The following ZNF701 variants were observed in gnomAD, a reference collection of about 807,000 sequenced individuals.
ZNF701 encodes the protein zinc finger protein 701.
A neutral mutation model predicts 7.1 loss-of-function variants in ZNF701; 6 were observed. The ratio of observed to expected loss-of-function variants is 0.84; its 90% CI spans 0.46 to 1.66. The LOEUF (loss-of-function observed/expected upper bound fraction) is 1.66, where lower values mean the gene tolerates loss of function less well. Among genes scored for constraint, ZNF701 ranks in the 40% most tolerant of loss-of-function variants. The pLI is 0.01. For synonymous variants in ZNF701, 166 were observed against 188.2 expected, an observed-to-expected ratio of 0.88 and a Z score of 0.97; for missense variants, 541 against 559.2, an observed-to-expected ratio of 0.97 and a Z score of 0.33.
chr19:52,592,639 G>C, the ZNF701 span, among the ~76,000 whole-genome samples: 1 of 152,184 alleles, frequency 6.6e-6, no homozygotes, highest in Admixed American at 6.5e-5. Flanking sequence ...GAACAGGTTG[G>C]AGTGCAGTGT....
rs770684081 is a variant in ZNF701 at position 52,575,981 on chromosome 19, A to G, written c.102A>G (p.Arg34=). Reference sequence around the variant, plus strand: ...ACCCTGCTCAGAGGACTCTATACAGAGACGTGATGCTGGAGAATTATAGGA... The same window carrying G: ...ACCCTGCTCAGAGGACTCTATACAGGGACGTGATGCTGGAGAATTATAGGA... The part of the protein sequence containing the change: ...CLDPAQRTLY[R]DVMLENYRNL... Residue 34 remains arginine (R), a synonymous_variant, in exon 3 of 4, where the codon AGA becomes AGG. Coordinates refer to ENST00000391785, the MANE Select transcript of ZNF701 (RefSeq NM_018260.3). 1.5e-5 allele frequency: 24 copies of G among 1,588,152 alleles called. No individual in the cohort carries two copies. The highest frequency in any genetic ancestry group is 3.8e-5 in the Admixed American group (2 of 53,156).
downstream of ZNF701, chr19:52,588,516 A>T (rs1277962994): frequency 1.4e-5 from 4 of 286,726 alleles, no homozygotes; most frequent in East Asian, 8.6e-5. Context: ...TAAATCTCAT[A>T]TTTTTTTACA....
Position 52,582,870 on chromosome 19 carries a change from A to G in ZNF701, c.811A>G (p.Thr271Ala). The change falls in exon 4 of 4, where the codon ACG (threonine) becomes GCG (alanine). Residue 271 changes from threonine to alanine, a missense_variant. Thr to Ala is a moderately conservative substitution (Grantham distance 58, BLOSUM62 0). Coordinates refer to ENST00000391785, the MANE Select transcript of ZNF701 (RefSeq NM_018260.3). ...ATGTCACACTGGTGAGAATCCTTAC[A>G]CGTGTAATGAGTGTGGCAAGACATT... ...HRCHTGENPY[T>A]CNECGKTFSH... 1 of 1,613,182 alleles carries G rather than the reference A, an allele frequency of 6.2e-7. No homozygotes were observed. The highest frequency in any genetic ancestry group is 8.5e-7 in the Non-Finnish European group (1 of 1,179,314).
At position 52,576,041 on chromosome 19, in the gene ZNF701, A is replaced by C. The variant is rs376312018; in HGVS notation, c.142+20A>C. On this transcript the variant is annotated intron_variant, in intron 3 of 3. Transcript: ENST00000391785. ...CCCTGGGTGAGGATAACTTCCCTCC[A>C]GAAGTGGGGATGTGCCCTTGTGGAT... is the stretch of plus-strand genomic sequence containing the variant. The C allele has an allele frequency of 6.3e-7, 1 of 1,597,082 alleles. No homozygotes were observed.
the ZNF701 span, chr19:52,596,696 T>G: frequency 2.1e-6 from 1 of 487,336 alleles, no homozygotes; most frequent in South Asian, 1.6e-5. Context: ...GAGAGAACCT[T>G]ACACATTTCA....
intron 3 of ZNF701, among the ~76,000 whole-genome samples, chr19:52,577,172 T>C (rs2059940189): frequency 6.6e-6 from 1 of 152,210 alleles, no homozygotes; most frequent in African/African-American, 2.4e-5. Context: ...CGATCTTGGC[T>C]AACAGCAGCC....
chr19:52,577,183 T>A (rs557448603), intron 3 of ZNF701, among the ~76,000 whole-genome samples: 36 of 152,292 alleles, frequency 2.4e-4, no homozygotes, highest in African/African-American at 8.2e-4. Context: ...AACAGCAGCC[T>A]CCACCTCCCA....
downstream of ZNF701, chr19:52,588,603 C>A: frequency 2.5e-6 from 1 of 399,318 alleles, no homozygotes; most frequent in South Asian, 2.2e-5. Flanking sequence ...CCAGGGACGG[C>A]TCTTCCTCAG....
At chr19:52,595,632 C>T in the ZNF701 span, 1 of 1,169,244 alleles carries the variant, frequency 8.6e-7, no homozygotes, top group East Asian at 2.5e-5. Flanking sequence ...TCTTTAAAAT[C>T]CATGATGGAG....
At chr19:52,571,153 A>G (rs1047328077) in intron 1 of ZNF701, among the ~76,000 whole-genome samples, 1 of 152,010 alleles carries the variant, frequency 6.6e-6, no homozygotes, top group African/African-American at 2.4e-5. Context: ...GGAGAAATGT[A>G]GAGAAAAGCT....
chr19:52,587,794 G>A (rs1319651550), downstream of ZNF701, among the ~76,000 whole-genome samples: 1 of 152,204 alleles, frequency 6.6e-6, no homozygotes, highest in Non-Finnish European at 1.5e-5. Flanking sequence ...ATCAAAGATT[G>A]CTATTATCAT....
rs1018038526 is a variant in ZNF701, at chr19:52,579,090, A to G, written c.142+3069A>G. Among the ~76,000 whole-genome samples, 94 of 140,066 alleles carry G rather than the reference A, an allele frequency of 6.7e-4. 5 individuals are homozygous for G. The highest frequency in any genetic ancestry group is 6.5e-3 in the Admixed American group (94 of 14,532). 91.9% of individuals were successfully genotyped at this position (140,066 alleles called of 152,430 possible). Reference sequence around the variant, plus strand: ...AACAGAAATGAAGTGTGTTGTATAGATAAAATAAAAAGGCATGAAAAAAAC... The same window carrying G: ...AACAGAAATGAAGTGTGTTGTATAGGTAAAATAAAAAGGCATGAAAAAAAC... On this transcript the variant is annotated intron_variant, in intron 3 of 3. Transcript: ENST00000391785.
At chr19:52,572,773 G>T in intron 1 of ZNF701, 1 of 390,664 alleles carries the variant, frequency 2.6e-6, no homozygotes. Context: ...TGTGTCCAGG[G>T]CCCCTGCCAC....
intron 2 of ZNF701, among the ~76,000 whole-genome samples, chr19:52,574,765 T>G (rs2059922382): frequency 6.6e-6 from 1 of 152,172 alleles, no homozygotes; most frequent in South Asian, 2.1e-4. Context: ...AGCAGGAGAT[T>G]TATTAAACCA....
the ZNF701 span, among the ~76,000 whole-genome samples, chr19:52,594,618 A>T: frequency 6.6e-6 from 1 of 151,676 alleles, no homozygotes; most frequent in South Asian, 2.1e-4. Flanking sequence ...GGTTCAAGCG[A>T]TTCTCCTGCT....
the ZNF701 span, chr19:52,597,419 C>A: frequency 1.9e-6 from 1 of 516,150 alleles, no homozygotes. Flanking sequence ...TTTGAGATAA[C>A]TGTTCCAAAT....
At chr19:52,596,864 T>C in the ZNF701 span, 2 of 550,676 alleles carry the variant, frequency 3.6e-6, no homozygotes. Flanking sequence ...CTAAGGTTTC[T>C]AATCAACAAT....
chr19:52,574,595 T>C (rs2059921320), intron 2 of ZNF701, among the ~76,000 whole-genome samples: 1 of 152,190 alleles, frequency 6.6e-6, no homozygotes, highest in Admixed American at 6.5e-5. Context: ...AAATCTTTTC[T>C]CCCTAATTTT....
Position 52,583,580 on chromosome 19 carries a change from C to T in ZNF701, c.*123C>T, listed in dbSNP as rs531647956. The stretch of plus-strand genomic sequence containing the variant: ...CAAAAGTTTTCAATTTCAAATCACT[C>T]CTTGAAATACATAGGAGAGTTCATA... On this transcript the variant is annotated 3_prime_UTR_variant, in exon 4 of 4. Transcript: ENST00000391785. 11 of 1,445,262 alleles carry T rather than the reference C, an allele frequency of 7.6e-6. No homozygotes were observed. In the East Asian group the frequency reaches 2.3e-4, roughly 30 times the overall value. 89.5% of individuals were successfully genotyped at this position (1,445,262 alleles called of 1,614,324 possible). A position where few individuals can be genotyped will look rare whatever the true frequency, so the allele number is the denominator to read the frequency against.
Sources: gnomAD v4.1 joint callset for allele counts (sites outside exome capture counted in the v4.1 genomes callset) on GRCh38, gnomAD v4.1.1 for gene constraint, MANE v1.5 for transcripts, NCBI Gene and HGNC (gene_info 2026-07-23, HGNC 2026-07-21) for gene names.